TRMT61B: variants seen among roughly 807,000 people sequenced by gnomAD.
The protein encoded by TRMT61B is tRNA methyltransferase 61B, also known as tRNA (adenine(58)-N(1))-methyltransferase, mitochondrial.
Under a neutral mutation model 52.0 loss-of-function variants are expected in TRMT61B, and 56 were observed. The observed-to-expected ratio is 1.08, with a 90% CI of 0.87 to 1.35. The LOEUF is 1.35. TRMT61B is among the 40% of genes most tolerant of loss of function. The probability of loss-of-function intolerance (pLI) is 0.00; values close to 1 mark genes in which losing one functional copy is unlikely to be tolerated. For synonymous variants in TRMT61B, 206 were observed against 220.0 expected, an observed-to-expected ratio of 0.94 and a Z score of 0.56; for missense variants, 650 against 577.9, an observed-to-expected ratio of 1.12 and a Z score of -1.28.
rs756880592 is a variant in TRMT61B at position 28,849,980 on chromosome 2, A to C, written c.*219T>G. Reference sequence around the variant, plus strand: ...AACCAATTTGGAATCATTAACTACAAAATGTCAAACTAACTGCAAGACAAG... The same window carrying C: ...AACCAATTTGGAATCATTAACTACACAATGTCAAACTAACTGCAAGACAAG... On this transcript the variant is annotated 3_prime_UTR_variant, in exon 7 of 7. Coordinates refer to ENST00000306108, the MANE Select transcript of TRMT61B (RefSeq NM_017910.4). The C allele has an allele frequency of 6.8e-7, 1 of 1,464,452 alleles. No individual in the cohort carries two copies. The highest frequency in any genetic ancestry group is 2.0e-5 in the Admixed American group (1 of 49,844). 90.7% of individuals were successfully genotyped at this position (1,464,452 alleles called of 1,614,324 possible).
intron 3 of TRMT61B, among the ~76,000 whole-genome samples, chr2:28,855,874 G>C (rs1444799438): frequency 6.6e-6 from 1 of 152,196 alleles, no homozygotes; most frequent in Non-Finnish European, 1.5e-5. Context: ...AGGAGGCTGA[G>C]ACAGGAGAAA....
chr2:28,860,886 G>A (rs2148137793), intron 3 of TRMT61B, among the ~76,000 whole-genome samples: 2 of 152,230 alleles, frequency 1.3e-5, no homozygotes, highest in South Asian at 4.1e-4. Flanking sequence ...CTAGCTTTCA[G>A]TCATTACCCC....
chr2:28,850,557 TACAG>T, intron 5 of TRMT61B, 152 bp from the exon 6 acceptor site: 1 of 580,870 alleles, frequency 1.7e-6, no homozygotes, highest in Non-Finnish European at 3.0e-6. Flanking sequence ...CCAGTTATTA[TACAG>T]AAACTATTTG....
intron 3 of TRMT61B, among the ~76,000 whole-genome samples, chr2:28,856,346 C>A (rs1313515212): frequency 6.6e-6 from 1 of 152,190 alleles, no homozygotes; most frequent in Non-Finnish European, 1.5e-5. Flanking sequence ...AGGTCAACAC[C>A]TCACCATATC....
intron 1 of TRMT61B, among the ~76,000 whole-genome samples, chr2:28,865,809 T>C (rs535469658): frequency 2.0e-5 from 3 of 149,332 alleles, no homozygotes; most frequent in African/African-American, 7.4e-5. Context: ...GCCTCCCGAA[T>C]AGCTGGGATT....
At chr2:28,860,273 A>AAAAAAAAAAC (rs1669547131) in intron 3 of TRMT61B, among the ~76,000 whole-genome samples, 1 of 35,694 alleles carries the variant, frequency 2.8e-5, no homozygotes, top group East Asian at 3.9e-4. Context: ...CTCTGTTGCC[A>AAAAAAAAAAC]AAAAAAAAAA....
At chr2:28,852,627 T>C (rs950668346) in intron 3 of TRMT61B, 128 bp from the exon 4 acceptor site, 6 of 635,132 alleles carry the variant, frequency 9.4e-6, no homozygotes, top group Non-Finnish European at 1.7e-5. Flanking sequence ...GAAGGTAGTA[T>C]TATTAACTAT....
In TRMT61B at chr2:28,869,480, A is replaced by C. The variant is rs953284113; in HGVS notation, c.699+99T>G. 19 of 807,194 alleles carry C rather than the reference A, an allele frequency of 2.4e-5. No homozygotes were observed. In the African/African-American group the frequency reaches 3.3e-4, roughly 14 times the overall value. The allele number at this position is 807,194 out of a possible 1,614,324, so 50.0% of individuals were successfully genotyped here. On this transcript the variant is annotated intron_variant, in intron 1 of 6. Transcript: ENST00000306108. The stretch of plus-strand genomic sequence containing the variant: ...AGCCTGAGTACAATAAAAAATCCAA[A>C]CGTTCTGAGATGTCTTTGAATACAT...
chr2:28,850,277 A>C (rs1470590882), intron 6 of TRMT61B, 35 bp from the exon 7 acceptor site: 1 of 1,603,448 alleles, frequency 6.2e-7, no homozygotes. Context: ...AAGTCATTAT[A>C]TTAATTAAAA....
At chr2:28,859,876 C>A (rs1175321033) in intron 3 of TRMT61B, among the ~76,000 whole-genome samples, 1 of 152,160 alleles carries the variant, frequency 6.6e-6, no homozygotes, top group East Asian at 1.9e-4. Context: ...AACATGCAAG[C>A]CATAAATGAG....
At position 28,869,844 on chromosome 2, in the gene TRMT61B, G is replaced by T; in HGVS notation, c.434C>A (p.Thr145Asn). Residue 145 changes from threonine (T) to asparagine (N), a missense_variant, in exon 1 of 7, where the codon ACT (threonine) becomes AAT (asparagine). Thr to Asn is a moderately conservative substitution (Grantham distance 65). Transcript: ENST00000306108. The part of the protein sequence containing the change: ...EERHVSPSCS[T>N]SRERPFQAGE... ...AGCCTGAAAGGGTCTCTCTCTGGAA[G>T]TTGAACAAGAAGGGGAGACGTGACG... is the stretch of plus-strand genomic sequence containing the variant. The T allele has an allele frequency of 6.2e-7, 1 of 1,614,188 alleles. No individual in the cohort carries two copies.
At position 28,852,508 on chromosome 2, in the gene TRMT61B, G is replaced by A. The variant is rs1669164303; in HGVS notation, c.994-9C>T. 2 of 1,566,740 alleles carry A rather than the reference G, an allele frequency of 1.3e-6. No homozygotes were observed. Among genetic ancestry groups the A allele is most frequent in the South Asian group, 1.2e-5 (1 of 86,720 alleles). ...AACATATCCAAAGCTACCTGTGTGG[G>A]GGAAAAAGAGAACTGGATCAGTCTG... On this transcript the variant is annotated splice_polypyrimidine_tract_variant and intron_variant, in intron 3 of 6. Transcript: ENST00000306108.
chr2:28,865,138 T>A lies in TRMT61B; in HGVS notation c.700-19A>T, dbSNP rs373141841. On this transcript the variant is annotated intron_variant, in intron 1 of 6. Transcript: ENST00000306108. Reference sequence around the variant, plus strand: ...TAATATCCTATGATTGAAAACAGTATGGGTGACTCAGCGACCAATAAATAT... The same window carrying A: ...TAATATCCTATGATTGAAAACAGTAAGGGTGACTCAGCGACCAATAAATAT... 800 of 1,437,442 alleles carry A rather than the reference T, an allele frequency of 5.6e-4. No homozygotes were observed. Among genetic ancestry groups the A allele is most frequent in the Non-Finnish European group, 7.5e-4 (769 of 1,021,114 alleles). 89.0% of individuals were successfully genotyped at this position (1,437,442 alleles called of 1,614,324 possible). A position where few individuals can be genotyped will look rare whatever the true frequency, so the allele number is the denominator to read the frequency against.
chr2:28,862,763 G>C (rs1325828706), intron 2 of TRMT61B, among the ~76,000 whole-genome samples: 1 of 149,924 alleles, frequency 6.7e-6, no homozygotes, highest in Non-Finnish European at 1.5e-5. Flanking sequence ...GGGCAAGGCA[G>C]GCAGATCACT....
intron 1 of TRMT61B, 53 bp from the exon 2 acceptor site, chr2:28,865,172 C>T (rs1669783827): frequency 1.0e-6 from 1 of 1,004,512 alleles, no homozygotes; most frequent in Non-Finnish European, 1.6e-6. Context: ...ATGTACTAAG[C>T]ACCTAGTCTT....
chr2:28,864,923 G>A, intron 2 of TRMT61B, 94 bp downstream of exon 2: 1 of 706,610 alleles, frequency 1.4e-6, no homozygotes, highest in South Asian at 1.7e-5. Flanking sequence ...CTCAATGTTA[G>A]GTATTTTCCC....
chr2:28,862,340 T>TC (rs1022967154), intron 2 of TRMT61B, among the ~76,000 whole-genome samples: 1 of 145,438 alleles, frequency 6.9e-6, no homozygotes, highest in Non-Finnish European at 1.5e-5. Context: ...TTGGTTTTTT[T>TC]TTTTTTTTTT....
At position 28,851,878 on chromosome 2, in the gene TRMT61B, CAAA is replaced by C. The variant is rs1162566474; in HGVS notation, c.1085+527_1085+529del. On this transcript the variant is annotated intron_variant, in intron 4 of 6. Transcript: ENST00000306108. ...TGGGTGACAAAGCGAGACTCTGTCT[CAAA>C]AAAAAAAAAAAAAAAAAAAACGAAA... Among the ~76,000 whole-genome samples the C allele has an allele frequency of 3.3e-4, 6 of 18,270 alleles. No individual in the cohort carries two copies. In the South Asian group the frequency reaches 0.01, roughly 31 times the overall value. 12.0% of individuals were successfully genotyped at this position (18,270 alleles called of 152,430 possible).
chr2:28,861,424 A>T (rs575780650), intron 2 of TRMT61B, 116 bp from the exon 3 acceptor site: 1 of 818,158 alleles, frequency 1.2e-6, no homozygotes, highest in Admixed American at 3.6e-5. Context: ...AAATAGTTCA[A>T]TGTTACAAGT....
Sources: gnomAD v4.1 joint callset for allele counts (sites outside exome capture counted in the v4.1 genomes callset) on GRCh38, gnomAD v4.1.1 for gene constraint, MANE v1.5 for transcripts, NCBI Gene and HGNC (gene_info 2026-07-23, HGNC 2026-07-21) for gene names.